TACC2: variants seen among roughly 807,000 people sequenced by gnomAD.
The protein encoded by TACC2 is transforming acidic coiled-coil-containing protein 2.
TACC2 carries 137 observed loss-of-function variants against 227.3 expected under a neutral mutation model. The observed-to-expected ratio is 0.60, with a 90% confidence interval of 0.52 to 0.69. The LOEUF (loss-of-function observed/expected upper bound fraction) is 0.69. TACC2 is among the 30% of genes least tolerant of loss of function. The pLI, the probability that TACC2 is intolerant of heterozygous loss-of-function variation, is 0.00. For synonymous variants in TACC2, 1,523 were observed against 1,487.5 expected (o/e 1.02, Z -0.55); for missense variants, 3,470 against 3,694.4 (o/e 0.94, Z 1.57).
chr10:122,173,993 C>A (rs773948613), intron 7 of TACC2, among the ~76,000 whole-genome samples: 1 of 152,174 alleles, frequency 6.6e-6, no homozygotes, highest in East Asian at 1.9e-4. Context: ...GCCTAGGCTG[C>A]GGCCAGCGGA....
At chr10:122,232,058 C>T (rs2095762541) in intron 16 of TACC2, among the ~76,000 whole-genome samples, 1 of 152,202 alleles carries the variant, frequency 6.6e-6, no homozygotes, top group South Asian at 2.1e-4. Flanking sequence ...TGTGGGTGTG[C>T]AGGCTGGGAA....
intron 3 of TACC2, among the ~76,000 whole-genome samples, chr10:122,055,153 G>C (rs551442986): frequency 4.7e-4 from 72 of 152,192 alleles, no homozygotes; most frequent in South Asian, 6.2e-4. Flanking sequence ...CCAGGAGGTG[G>C]AGGTTGCAGT....
In TACC2 at chr10:122,112,765, A is replaced by C. The variant is rs548394995; in HGVS notation, c.5574-19844A>C. 2.6e-5 allele frequency among the ~76,000 whole-genome samples: 4 copies of C among 152,340 alleles called. No individual in the cohort carries two copies. In the South Asian group the frequency reaches 8.3e-4, roughly 32 times the overall value. On this transcript the variant is annotated intron_variant, in intron 5 of 22. Transcript: ENST00000369005. Reference sequence around the variant, plus strand: ...GTTGTCATGACTCAGAGACTCCTGGAAGTCTGCAGCGCCTCCAGGAGCAGC... The same window carrying C: ...GTTGTCATGACTCAGAGACTCCTGGCAGTCTGCAGCGCCTCCAGGAGCAGC...
intron 1 of TACC2, among the ~76,000 whole-genome samples, chr10:122,018,647 C>T (rs1956979080): frequency 1.3e-5 from 2 of 152,290 alleles, no homozygotes; most frequent in Admixed American, 1.3e-4. Context: ...AATCTATGAC[C>T]TTTTGTGCCT....
At position 122,050,517 on chromosome 10, in the gene TACC2, C is replaced by A; in HGVS notation, c.113C>A (p.Thr38Lys). 3 of 1,614,066 alleles carry A rather than the reference C, an allele frequency of 1.9e-6. No individual in the cohort carries two copies. Among genetic ancestry groups the A allele is most frequent in the Non-Finnish European group, 1.7e-6 (2 of 1,180,016 alleles). Residue 38 changes from threonine to lysine, a missense_variant, in exon 3 of 23, where the codon ACG becomes AAG. Transcript: ENST00000369005. The surrounding 1 kb of genome is among the most constrained non-coding windows in gnomAD (Gnocchi z 4.6). The stretch of plus-strand genomic sequence containing the variant: ...AATATAAAAAGGAAGCAGCAGGACA[C>A]GCCCGGAAGCCCTGACCACAGAGAC... Reference protein sequence around the residue: ...SQNIKRKQQDTPGSPDHRDAS... With the variant: ...SQNIKRKQQDKPGSPDHRDAS...
chr10:122,219,199 G>A (rs968032320), intron 11 of TACC2, among the ~76,000 whole-genome samples: 21 of 151,656 alleles, frequency 1.4e-4, no homozygotes, highest in African/African-American at 3.9e-4. Flanking sequence ...GACCCCGCCT[G>A]CTGGAACACC....
At chr10:122,017,321 C>T (rs1368622327) in intron 1 of TACC2, among the ~76,000 whole-genome samples, 1 of 152,082 alleles carries the variant, frequency 6.6e-6, no homozygotes, top group Non-Finnish European at 1.5e-5. Flanking sequence ...ACATGCGTCG[C>T]CTGCGAAGTC....
chr10:122,230,227 G>A (rs563058034), intron 15 of TACC2, 124 bp from the exon 16 acceptor site: 16 of 757,316 alleles, frequency 2.1e-5, no homozygotes, highest in African/African-American at 5.1e-5. Flanking sequence ...AAGGCGGAGC[G>A]CGTGTTTTTC....
intron 9 of TACC2, among the ~76,000 whole-genome samples, chr10:122,212,418 A>G (rs1310912296): frequency 6.6e-6 from 1 of 152,246 alleles, no homozygotes; most frequent in Non-Finnish European, 1.5e-5. Context: ...GACAAGGCCA[A>G]GTACATCGTG....
At chr10:122,238,130 C>A in intron 18 of TACC2, 93 bp downstream of exon 18, 1 of 959,472 alleles carries the variant, frequency 1.0e-6, no homozygotes, top group Non-Finnish European at 1.6e-6. Context: ...AGAAGAGTGT[C>A]TTCTGTGGAA....
intron 7 of TACC2, among the ~76,000 whole-genome samples, chr10:122,148,558 G>T (rs1342345169): frequency 6.6e-6 from 1 of 152,376 alleles, no homozygotes; most frequent in Non-Finnish European, 1.5e-5. Context: ...CTGTGGCTTT[G>T]TCTTCTCTCT....
rs1414112797 is a variant in TACC2, at chr10:122,248,656, A to G, written c.8406A>G (p.Arg2802=). The G allele has an allele frequency of 6.2e-7, 1 of 1,613,314 alleles. No homozygotes were observed. The highest frequency in any genetic ancestry group is 8.5e-7 in the Non-Finnish European group (1 of 1,180,028). Residue 2802 remains arginine (R), a synonymous_variant, in exon 20 of 23, where the codon AGA becomes AGG. Coordinates refer to ENST00000369005, the MANE Select transcript of TACC2 (RefSeq NM_206862.4). ...CTCTCCTGCCAGAGGACGAACAGAG[A>G]GAGAAGTCAGTCTCCCACCAGACGG... is the stretch of plus-strand genomic sequence containing the variant. ...TIAQMIEDEQ[R]EKSVSHQTVQ... is the part of the protein sequence containing the mutation.
chr10:122,249,748 T>G (rs1038593810), intron 22 of TACC2, 84 bp downstream of exon 22: 8 of 1,471,092 alleles, frequency 5.4e-6, no homozygotes, highest in Non-Finnish European at 7.3e-6. Flanking sequence ...CAGGCTGGGC[T>G]TCCCTGGCCA....
chr10:122,116,413 C>T (rs73372127), intron 5 of TACC2, among the ~76,000 whole-genome samples: 2,230 of 152,220 alleles, frequency 0.015, 67 homozygotes, highest in African/African-American at 0.052. Flanking sequence ...TGGGGAAGGG[C>T]AGTATTGAGA....
At chr10:122,245,758 C>G (rs976645643) in intron 19 of TACC2, among the ~76,000 whole-genome samples, 1 of 152,134 alleles carries the variant, frequency 6.6e-6, no homozygotes, top group Non-Finnish European at 1.5e-5. Context: ...ATACGGGACT[C>G]TTCCTCCTTC....
intron 22 of TACC2, among the ~76,000 whole-genome samples, chr10:122,251,548 C>G (rs7092375): frequency 1.3e-5 from 2 of 152,026 alleles, no homozygotes; most frequent in African/African-American, 4.8e-5. Context: ...AAAGATCATA[C>G]TAGAAGCCAG....
chr10:122,212,328 A>G (rs1394517150), intron 9 of TACC2, among the ~76,000 whole-genome samples: 1 of 152,158 alleles, frequency 6.6e-6, no homozygotes, highest in African/African-American at 2.4e-5. Flanking sequence ...GAAGAGATAA[A>G]TGGAACCTGA....
intron 1 of TACC2, among the ~76,000 whole-genome samples, chr10:121,992,953 TAA>T (rs879342913): frequency 3.8e-4 from 50 of 130,150 alleles, no homozygotes; most frequent in Admixed American, 4.0e-4. Context: ...AGACTGTCTC[TAA>T]AAAAAAAAAA....
At chr10:122,132,801 G>C (rs550212378) in intron 6 of TACC2, 67 bp downstream of exon 6, 5 of 1,551,418 alleles carry the variant, frequency 3.2e-6, no homozygotes, top group Non-Finnish European at 4.4e-6. Context: ...GCCTTCCCCC[G>C]CTCCCCTCCC....
Sources: gnomAD v4.1 joint callset for allele counts (sites outside exome capture counted in the v4.1 genomes callset) on GRCh38, gnomAD v4.1.1 for gene constraint, Gnocchi (gnomAD v3.1) non-coding constraint, MANE v1.5 for transcripts, NCBI Gene and HGNC (gene_info 2026-07-23, HGNC 2026-07-21) for gene names.